Variants in DLGAP1 observed in about 807,000 individuals in gnomAD.
DLGAP1 encodes the protein disks large-associated protein 1.
DLGAP1 carries 11 observed loss-of-function variants against 90.8 expected under a neutral mutation model. That is an observed-to-expected ratio of 0.12 (90% CI 0.08 to 0.20). The LOEUF (loss-of-function observed/expected upper bound fraction) is 0.20, where lower values mean the gene tolerates loss of function less well. Ranked by LOEUF, DLGAP1 falls within the 10% of genes least tolerant of loss-of-function variation. The pLI is 1.00. For missense variants in DLGAP1, 1,050 were observed against 1,333.8 expected (o/e 0.79, Z 3.31); for synonymous variants, 558 against 540.7 (o/e 1.03, Z -0.44).
intron 4 of DLGAP1, among the ~76,000 whole-genome samples, chr18:3,863,466 G>A (rs1845029802): frequency 6.6e-6 from 1 of 152,124 alleles, no homozygotes; most frequent in Non-Finnish European, 1.5e-5. Context: ...TTAAGTTTTG[G>A]TAATAAACCC....
chr18:4,182,954 C>G (rs1324684317), intron 1 of DLGAP1, among the ~76,000 whole-genome samples: 1 of 152,080 alleles, frequency 6.6e-6, no homozygotes, highest in Non-Finnish European at 1.5e-5. Context: ...AAGGAAGGAA[C>G]ACATTTCAGA....
At chr18:4,120,585 G>A (rs1469275175) in intron 2 of DLGAP1, among the ~76,000 whole-genome samples, 4 of 152,120 alleles carry the variant, frequency 2.6e-5, no homozygotes, top group Non-Finnish European at 5.9e-5. Context: ...TATAGGTTTC[G>A]CCTGACAAGA....
intron 4 of DLGAP1, among the ~76,000 whole-genome samples, chr18:3,830,465 T>TG (rs1183866397): frequency 1.3e-5 from 2 of 152,096 alleles, no homozygotes; most frequent in Non-Finnish European, 2.9e-5. Context: ...CTCGGGAGGC[T>TG]GGGGGCAGAA....
intron 1 of DLGAP1, among the ~76,000 whole-genome samples, chr18:4,170,705 CTTAATCTAAT>C (rs1340684677): frequency 3.3e-5 from 5 of 152,108 alleles, no homozygotes; most frequent in African/African-American, 4.8e-5. Context: ...CTATTAATAG[CTTAATCTAAT>C]CTAATCTAAT....
chr18:3,621,947 C>T (rs2038905387), intron 7 of DLGAP1, among the ~76,000 whole-genome samples: 1 of 151,976 alleles, frequency 6.6e-6, no homozygotes, highest in African/African-American at 2.4e-5. Flanking sequence ...GTCTGGGTGA[C>T]AGAGTGAGAC....
At chr18:4,102,741 C>T (rs2075800230) in intron 2 of DLGAP1, among the ~76,000 whole-genome samples, 1 of 152,158 alleles carries the variant, frequency 6.6e-6, no homozygotes, top group Non-Finnish European at 1.5e-5. Context: ...AATGATCACA[C>T]TGACATAGTT....
chr18:4,235,671 T>C (rs1237141739), intron 1 of DLGAP1, among the ~76,000 whole-genome samples: 1 of 151,998 alleles, frequency 6.6e-6, no homozygotes, highest in Non-Finnish European at 1.5e-5. Context: ...AAACCCAAGT[T>C]ATGTCTGTCA....
At chr18:4,398,143 A>G (rs1182473473) in intron 1 of DLGAP1, among the ~76,000 whole-genome samples, 2 of 152,232 alleles carry the variant, frequency 1.3e-5, no homozygotes, top group African/African-American at 4.8e-5. Context: ...ATGTGTTCAG[A>G]GCCACAGGCC....
chr18:4,162,354 G>T (rs2076861310), intron 1 of DLGAP1, among the ~76,000 whole-genome samples: 1 of 152,096 alleles, frequency 6.6e-6, no homozygotes, highest in Non-Finnish European at 1.5e-5. Context: ...ATAAGATAGG[G>T]TCTCTCTGCT....
At chr18:4,428,099 C>T (rs1196401425) in intron 1 of DLGAP1, among the ~76,000 whole-genome samples, 1 of 152,202 alleles carries the variant, frequency 6.6e-6, no homozygotes, top group East Asian at 1.9e-4. Flanking sequence ...TATAGCAAAG[C>T]TGCTTGATAC....
At chr18:3,991,040 T>C (rs1398369388) in intron 3 of DLGAP1, among the ~76,000 whole-genome samples, 1 of 152,134 alleles carries the variant, frequency 6.6e-6, no homozygotes, top group African/African-American at 2.4e-5. Flanking sequence ...GTTTGTTACA[T>C]GAGTAAATTG....
chr18:3,811,286 T>A (rs1252687566), intron 5 of DLGAP1, among the ~76,000 whole-genome samples: 2 of 151,658 alleles, frequency 1.3e-5, no homozygotes, highest in Admixed American at 1.3e-4. Context: ...AAGGAAGATA[T>A]GTTTGAATGG....
At chr18:4,071,601 CT>C (rs5822791) in intron 2 of DLGAP1, among the ~76,000 whole-genome samples, 12,801 of 152,144 alleles carry the variant, frequency 0.084, 707 homozygotes, top group East Asian at 0.21. Context: ...GTAGAATTAC[CT>C]CTAATAATAG....
At chr18:3,878,245 T>C in intron 4 of DLGAP1, 1 of 151,874 alleles carries the variant, frequency 6.6e-6, no homozygotes, top group Non-Finnish European at 1.5e-5. Context: ...TGAGAGTTCT[T>C]ATGGAAAAAT....
intron 2 of DLGAP1, among the ~76,000 whole-genome samples, chr18:4,069,581 C>T (rs1054429015): frequency 2.0e-5 from 3 of 152,100 alleles, no homozygotes; most frequent in African/African-American, 7.2e-5. Context: ...TGTGTGGCAC[C>T]TCCCCCATGC....
At chr18:4,041,418 C>CATCA (rs1410755168) in intron 2 of DLGAP1, among the ~76,000 whole-genome samples, 1 of 152,194 alleles carries the variant, frequency 6.6e-6, no homozygotes, top group Non-Finnish European at 1.5e-5. Flanking sequence ...ACATTTGCAA[C>CATCA]ATCAATATGT....
chr18:3,656,141 A>G (rs1287926582), intron 7 of DLGAP1: 4 of 1,542,146 alleles, frequency 2.6e-6, no homozygotes, highest in Non-Finnish European at 3.5e-6. Flanking sequence ...AGTGGCAGTT[A>G]TATAATGGAC....
At chr18:4,267,710 A>G (rs1226644794) in intron 1 of DLGAP1, among the ~76,000 whole-genome samples, 1 of 152,178 alleles carries the variant, frequency 6.6e-6, no homozygotes, top group Non-Finnish European at 1.5e-5. Context: ...ATCGCACATG[A>G]GGCTGCAGTG....
intron 1 of DLGAP1, among the ~76,000 whole-genome samples, chr18:4,328,438 CTATTCATCAGTTGATGGGCACT>C (rs1486201112): frequency 6.6e-6 from 1 of 151,862 alleles, no homozygotes; most frequent in Non-Finnish European, 1.5e-5. Context: ...ATTTGCTTGC[CTATTCATCAGTTGATGGGCACT>C]TAGAGTTGTT....
Sources: gnomAD v4.1 joint callset for allele counts (sites outside exome capture counted in the v4.1 genomes callset) on GRCh38, gnomAD v4.1.1 for gene constraint, MANE v1.5 for transcripts, NCBI Gene and HGNC (gene_info 2026-07-23, HGNC 2026-07-21) for gene names.